The following SYN3 variants were observed in gnomAD, a reference collection of about 807,000 sequenced individuals.
SYN3 encodes the protein synapsin-3.
In SYN3, 35 loss-of-function variants were observed where a neutral mutation model predicts 65.8. The ratio of observed to expected loss-of-function variants is 0.53; its 90% confidence interval spans 0.41 to 0.70. SYN3 has a LOEUF of 0.70. SYN3 is among the 30% of genes least tolerant of loss of function. SYN3 has a pLI of 0.00. For synonymous variants in SYN3, 270 were observed against 292.9 expected (o/e 0.92, Z 0.80); for missense variants, 680 against 749.0 (o/e 0.91, Z 1.08).
At chr22:32,948,232 T>C (rs1339248248) in intron 3 of SYN3, among the ~76,000 whole-genome samples, 1 of 152,232 alleles carries the variant, frequency 6.6e-6, no homozygotes, top group Admixed American at 6.5e-5. Flanking sequence ...TTAAGGTCCA[T>C]AACTGTAATC....
intron 1 of SYN3, among the ~76,000 whole-genome samples, chr22:33,050,959 C>G (rs1206733434): frequency 6.6e-6 from 1 of 152,196 alleles, no homozygotes; most frequent in Non-Finnish European, 1.5e-5. Flanking sequence ...TCCCTTTATT[C>G]AAACATTCTT....
At chr22:32,943,324 G>T (rs1164398329) in intron 3 of SYN3, among the ~76,000 whole-genome samples, 2 of 152,298 alleles carry the variant, frequency 1.3e-5, no homozygotes, top group East Asian at 3.9e-4. Context: ...TTTCAACCCA[G>T]ATTTTCATAT....
In SYN3 at chr22:32,550,598, T is replaced by G. The variant is rs2058398980; in HGVS notation, c.775-8885A>C. Reference sequence around the variant, plus strand: ...AATAAAATAAATAAGTGTTGTAATCTAAGATTTGAATTCAAAATATCAGGA... The same window carrying G: ...AATAAAATAAATAAGTGTTGTAATCGAAGATTTGAATTCAAAATATCAGGA... On this transcript the variant is annotated intron_variant, in intron 7 of 13. Transcript: ENST00000358763. Among the ~76,000 whole-genome samples the G allele has an allele frequency of 2.6e-5, 4 of 152,074 alleles. No homozygotes were observed. The South Asian group carries it at 8.3e-4, about 32-fold the overall frequency.
intron 2 of SYN3, among the ~76,000 whole-genome samples, chr22:32,997,270 C>G (rs2052908654): frequency 6.6e-6 from 1 of 152,164 alleles, no homozygotes; most frequent in Non-Finnish European, 1.5e-5. Context: ...CCATTGAACC[C>G]CTGGTCAGGG....
At chr22:32,995,094 GT>G (rs1275568823) in intron 2 of SYN3, among the ~76,000 whole-genome samples, 2 of 152,136 alleles carry the variant, frequency 1.3e-5, no homozygotes, top group African/African-American at 4.8e-5. Context: ...GCTCTGGACT[GT>G]CCCCTCAGCT....
intron 6 of SYN3, among the ~76,000 whole-genome samples, chr22:32,815,300 CGG>C (rs1277742511): frequency 6.6e-6 from 1 of 152,134 alleles, no homozygotes; most frequent in Non-Finnish European, 1.5e-5. Context: ...AACCCATGTG[CGG>C]TGACACTGGA....
At chr22:32,569,256 A>AATCTATGTATCTATCT (rs376331895) in intron 7 of SYN3, among the ~76,000 whole-genome samples, 1 of 140,990 alleles carries the variant, frequency 7.1e-6, no homozygotes, top group African/African-American at 2.6e-5. Flanking sequence ...ATGCATCCAA[A>AATCTATGTATCTATCT]ATCTATCTAT....
chr22:32,980,820 G>A (rs1601833636), intron 2 of SYN3, 118 bp from the exon 3 acceptor site: 6 of 816,914 alleles, frequency 7.3e-6, no homozygotes, highest in Admixed American at 1.9e-5. Flanking sequence ...CCATCCTACT[G>A]TCTCCTCCCA....
chr22:32,910,717 C>A (rs2050031131), intron 4 of SYN3, among the ~76,000 whole-genome samples: 1 of 152,188 alleles, frequency 6.6e-6, no homozygotes, highest in Non-Finnish European at 1.5e-5. Flanking sequence ...GAATAGCTAA[C>A]CTCTCAGTGC....
intron 6 of SYN3, among the ~76,000 whole-genome samples, chr22:32,640,592 T>C (rs945991272): frequency 2.6e-5 from 4 of 151,800 alleles, no homozygotes; most frequent in Non-Finnish European, 5.9e-5. Flanking sequence ...TTTGGCCGGG[T>C]GCGGTGGCTC....
At chr22:32,885,567 CTT>C (rs5845047) in intron 4 of SYN3, among the ~76,000 whole-genome samples, 2 of 147,302 alleles carry the variant, frequency 1.4e-5, no homozygotes, top group Non-Finnish European at 1.5e-5. Flanking sequence ...CTTCCCTTTC[CTT>C]TTTTTTTTTG....
intron 6 of SYN3, among the ~76,000 whole-genome samples, chr22:32,632,755 T>C (rs1601802949): frequency 6.6e-6 from 1 of 152,214 alleles, no homozygotes; most frequent in African/African-American, 2.4e-5. Context: ...TTGATTGTAT[T>C]ACTGGTAGAA....
intron 5 of SYN3, among the ~76,000 whole-genome samples, chr22:32,865,459 G>A (rs569629208): frequency 6.6e-6 from 1 of 152,176 alleles, no homozygotes; most frequent in South Asian, 2.1e-4. Context: ...AACCTGGGAA[G>A]TCAATTCAGG....
intron 12 of SYN3, among the ~76,000 whole-genome samples, chr22:32,521,649 T>C (rs2057885667): frequency 6.6e-6 from 1 of 151,986 alleles, no homozygotes; most frequent in Admixed American, 6.6e-5. Context: ...GGTTTCCCCA[T>C]ATTGGCCAGG....
chr22:32,609,192 C>T (rs955759309), intron 6 of SYN3, among the ~76,000 whole-genome samples: 1 of 151,906 alleles, frequency 6.6e-6, no homozygotes, highest in Non-Finnish European at 1.5e-5. Context: ...GACGTGGTTG[C>T]AGGTGCCTGT....
chr22:32,692,237 G>A lies in SYN3; in HGVS notation c.712-95501C>T, dbSNP rs867951378. ...GACACACAGCTCAAAGAATCTTAAT[G>A]CAACACATGAGCTAGTAGGTCCTTC... On this transcript the variant is annotated intron_variant, in intron 6 of 13. Coordinates refer to ENST00000358763, the MANE Select transcript of SYN3 (RefSeq NM_003490.4). Among the ~76,000 whole-genome samples the A allele has an allele frequency of 8.3e-3, 1,219 of 147,086 alleles. 21 individuals are homozygous for A. The highest frequency in any genetic ancestry group is 0.03 in the African/African-American group (1,185 of 39,624).
intron 1 of SYN3, among the ~76,000 whole-genome samples, chr22:33,023,640 T>A (rs1220119769): frequency 6.6e-6 from 1 of 152,082 alleles, no homozygotes; most frequent in Non-Finnish European, 1.5e-5. Context: ...TGCTTGAGCC[T>A]GGGAGGTTGA....
At chr22:32,602,978 C>CT (rs71184599) in intron 6 of SYN3, among the ~76,000 whole-genome samples, 18,816 of 143,312 alleles carry the variant, frequency 0.13, 1,456 homozygotes, top group East Asian at 0.38. Flanking sequence ...TGGAGACATT[C>CT]TTTTTTTTTT....
chr22:32,984,911 C>G (rs2052477593), intron 2 of SYN3, among the ~76,000 whole-genome samples: 1 of 152,170 alleles, frequency 6.6e-6, no homozygotes. Context: ...TAAGACAAGA[C>G]ACTTAGCCCT....
Sources: allele counts gnomAD v4.1 joint callset (sites outside exome capture counted in the v4.1 genomes callset), GRCh38; gene constraint gnomAD v4.1.1; transcripts MANE v1.5; gene names NCBI Gene and HGNC (gene_info 2026-07-23, HGNC 2026-07-21).